Variants in TAS2R1 observed in about 807,000 individuals in gnomAD.
TAS2R1 encodes the protein taste 2 receptor member 1.
For missense variants in TAS2R1, 370 were observed against 353.4 expected (o/e 1.05, Z -0.38); for synonymous variants, 141 against 134.2 (o/e 1.05, Z -0.35).
chr5:9,813,136 G>A, the TAS2R1 span, among the ~76,000 whole-genome samples: 1 of 152,076 alleles, frequency 6.6e-6, no homozygotes, highest in African/African-American at 2.4e-5. Flanking sequence ...TTTATAAAAA[G>A]GGGGAAATTG....
chr5:9,637,893 A>C (rs1474711226), intron 2 of TAS2R1, among the ~76,000 whole-genome samples: 3 of 152,176 alleles, frequency 2.0e-5, no homozygotes, highest in African/African-American at 7.2e-5. Context: ...AAGCAGTTGA[A>C]TAATCAATCT....
At chr5:9,839,637 A>G in the TAS2R1 span, among the ~76,000 whole-genome samples, 1 of 152,224 alleles carries the variant, frequency 6.6e-6, no homozygotes. Context: ...ACAGCTGTCA[A>G]TAAAGAATGA....
chr5:9,702,500 T>C (rs540789609), intron 1 of TAS2R1, among the ~76,000 whole-genome samples: 14 of 152,188 alleles, frequency 9.2e-5, no homozygotes, highest in African/African-American at 2.4e-4. Context: ...AAAATCTATG[T>C]AGATCCTTGA....
chr5:9,654,164 C>T (rs376851565), intron 2 of TAS2R1, among the ~76,000 whole-genome samples: 5 of 152,074 alleles, frequency 3.3e-5, no homozygotes, highest in African/African-American at 1.2e-4. Context: ...TTCCATGATG[C>T]CTGAAGCTCT....
intron 1 of TAS2R1, among the ~76,000 whole-genome samples, chr5:9,692,124 T>G (rs906609292): frequency 5.3e-5 from 8 of 152,162 alleles, no homozygotes; most frequent in African/African-American, 1.9e-4. Flanking sequence ...CCAGCTCCAG[T>G]GATGATCAAA....
intron 1 of TAS2R1, among the ~76,000 whole-genome samples, chr5:9,674,534 C>G (rs1324065693): frequency 6.6e-6 from 1 of 152,090 alleles, no homozygotes; most frequent in Non-Finnish European, 1.5e-5. Context: ...CTTACCTTTC[C>G]ATGCTTCTGT....
the TAS2R1 span, among the ~76,000 whole-genome samples, chr5:9,764,895 A>G: frequency 8.5e-5 from 13 of 152,358 alleles, no homozygotes; most frequent in Admixed American, 7.8e-4. Context: ...TAGCAAGGGA[A>G]GAGTTAAATA....
the TAS2R1 span, among the ~76,000 whole-genome samples, chr5:9,817,900 G>A: frequency 1.3e-5 from 2 of 151,382 alleles, no homozygotes; most frequent in Non-Finnish European, 2.9e-5. Flanking sequence ...AGGGGGAGGG[G>A]AAGTGCCACA....
the TAS2R1 span, among the ~76,000 whole-genome samples, chr5:9,888,292 T>G: frequency 6.6e-6 from 1 of 152,096 alleles, no homozygotes; most frequent in Non-Finnish European, 1.5e-5. Context: ...CCTTTTCTCC[T>G]CTTACTCTAG....
At chr5:9,843,910 T>C in the TAS2R1 span, among the ~76,000 whole-genome samples, 1 of 152,202 alleles carries the variant, frequency 6.6e-6, no homozygotes, top group Non-Finnish European at 1.5e-5. Flanking sequence ...AGCTAGAGCC[T>C]TTTGTTGGCT....
At chr5:9,807,318 T>C in the TAS2R1 span, among the ~76,000 whole-genome samples, 48 of 152,082 alleles carry the variant, frequency 3.2e-4, no homozygotes, top group Non-Finnish European at 1.6e-4. Context: ...TGTAAACAAG[T>C]ACAACCACTA....
chr5:9,821,711 A>G, the TAS2R1 span, among the ~76,000 whole-genome samples: 1 of 152,240 alleles, frequency 6.6e-6, no homozygotes. Context: ...CACAGACACA[A>G]GCATTAACTG....
chr5:9,827,398 C>G, the TAS2R1 span, among the ~76,000 whole-genome samples: 10 of 152,106 alleles, frequency 6.6e-5, no homozygotes, highest in African/African-American at 2.4e-4. Context: ...CCATTTTCAT[C>G]CTCTGTGACC....
chr5:9,900,552 C>A, the TAS2R1 span, among the ~76,000 whole-genome samples: 8 of 151,652 alleles, frequency 5.3e-5, no homozygotes, highest in Non-Finnish European at 1.2e-4. Context: ...TTTACACAAG[C>A]CAGAGTTATA....
chr5:9,888,647 C>T, the TAS2R1 span, among the ~76,000 whole-genome samples: 1 of 152,312 alleles, frequency 6.6e-6, no homozygotes, highest in East Asian at 1.9e-4. Context: ...CCAGATTTCA[C>T]AAGCTTACAG....
chr5:9,759,282 A>G, the TAS2R1 span, among the ~76,000 whole-genome samples: 1 of 152,216 alleles, frequency 6.6e-6, no homozygotes, highest in South Asian at 2.1e-4. Flanking sequence ...TCCCACTGAC[A>G]CTGACCAACT....
chr5:9,816,442 TACCAGG>T, the TAS2R1 span, among the ~76,000 whole-genome samples: 1 of 152,128 alleles, frequency 6.6e-6, no homozygotes, highest in Non-Finnish European at 1.5e-5. Context: ...AATGAAAAAT[TACCAGG>T]AATGGAGAAT....
chr5:9,819,225 C>G, the TAS2R1 span, among the ~76,000 whole-genome samples: 1 of 152,082 alleles, frequency 6.6e-6, no homozygotes, highest in African/African-American at 2.4e-5. Context: ...CTCAAAGACT[C>G]CTCAATGAGT....
intron 2 of TAS2R1, among the ~76,000 whole-genome samples, chr5:9,656,978 T>C (rs1211829336): frequency 2.0e-5 from 3 of 152,162 alleles, no homozygotes; most frequent in Non-Finnish European, 4.4e-5. Flanking sequence ...AACTTAACGA[T>C]GATATATAAT....
Sources: gnomAD v4.1 joint callset for allele counts (sites outside exome capture counted in the v4.1 genomes callset) on GRCh38, gnomAD v4.1.1 for gene constraint, MANE v1.5 for transcripts, NCBI Gene and HGNC (gene_info 2026-07-23, HGNC 2026-07-21) for gene names.